RTKN2: variants seen among roughly 807,000 people sequenced by gnomAD.
RTKN2 encodes the protein rhotekin 2.
Under a neutral mutation model 71.5 loss-of-function variants are expected in RTKN2, and 69 were observed. That is an observed-to-expected ratio of 0.96 (90% confidence interval 0.79 to 1.18). The LOEUF is 1.18. Ranked by LOEUF, RTKN2 falls within the 50% of genes most tolerant of loss-of-function variation. RTKN2 has a pLI of 0.00. For synonymous variants in RTKN2, 236 were observed against 236.5 expected, an observed-to-expected ratio of 1.00 and a Z score of 0.02; for missense variants, 724 against 719.7, an observed-to-expected ratio of 1.01 and a Z score of -0.07.
At chr10:62,208,301 G>C (rs140214681) in intron 9 of RTKN2, among the ~76,000 whole-genome samples, 14 of 152,164 alleles carry the variant, frequency 9.2e-5, no homozygotes, top group African/African-American at 3.1e-4. Flanking sequence ...AATGCACCCA[G>C]ATTATGGTCT....
chr10:62,229,156 CA>C (rs1842095902), intron 6 of RTKN2, among the ~76,000 whole-genome samples: 1 of 152,046 alleles, frequency 6.6e-6, no homozygotes, highest in Non-Finnish European at 1.5e-5. Context: ...TTTTCCAAGG[CA>C]AGTATGACAA....
intron 2 of RTKN2, among the ~76,000 whole-genome samples, chr10:62,250,362 G>A (rs572854523): frequency 5.9e-5 from 9 of 152,288 alleles, no homozygotes; most frequent in African/African-American, 1.4e-4. Context: ...GAAAGTAGAC[G>A]AAGTTTAATA....
chr10:62,262,871 C>A, intron 1 of RTKN2, 50 bp from the exon 2 acceptor site: 1 of 1,267,892 alleles, frequency 7.9e-7, no homozygotes, highest in Non-Finnish European at 1.1e-6. Flanking sequence ...AAAATTACAT[C>A]TTAACCCATA....
chr10:62,199,930 T>G (rs375243152), intron 10 of RTKN2, 69 bp from the exon 11 acceptor site: 1 of 952,446 alleles, frequency 1.0e-6, no homozygotes, highest in South Asian at 1.5e-5. Flanking sequence ...TCATTTTTAA[T>G]AGATAGCAAT....
intron 8 of RTKN2, 35 bp downstream of exon 8, chr10:62,218,160 C>A: frequency 7.7e-7 from 1 of 1,305,082 alleles, no homozygotes; most frequent in Non-Finnish European, 1.1e-6. Flanking sequence ...TAAAGTAGAG[C>A]TACAATTGTT....
At chr10:62,208,466 G>A (rs934389601) in intron 9 of RTKN2, among the ~76,000 whole-genome samples, 4 of 152,110 alleles carry the variant, frequency 2.6e-5, no homozygotes, top group Non-Finnish European at 5.9e-5. Context: ...GAGTCAACTC[G>A]AAGGGGCTTC....
chr10:62,258,508 T>C (rs1342206011), intron 2 of RTKN2, among the ~76,000 whole-genome samples: 1 of 152,230 alleles, frequency 6.6e-6, no homozygotes, highest in African/African-American at 2.4e-5. Flanking sequence ...TATGTCTGCC[T>C]ATTCTTAAAT....
At position 62,239,726 on chromosome 10, in the gene RTKN2, C is replaced by A. The variant is rs776909987; in HGVS notation, c.410G>T (p.Gly137Val). The A allele has an allele frequency of 6.3e-7, 1 of 1,594,252 alleles. No individual in the cohort carries two copies. Among genetic ancestry groups the A allele is most frequent in the Non-Finnish European group, 8.6e-7 (1 of 1,169,008 alleles). The part of the protein sequence containing the change: ...RYAIFCLFKM[G>V]ANVFDTDVVN... ...CACATCAGTATCAAACACATTAGCT[C>A]CCATTTTGAATAAACAAAAAATGGC... The change falls in exon 5 of 12, where the codon GGA becomes GTA. Residue 137 changes from glycine to valine, a missense_variant. Transcript: ENST00000373789.
chr10:62,215,873 A>G (rs1841759599), intron 9 of RTKN2, among the ~76,000 whole-genome samples: 1 of 152,048 alleles, frequency 6.6e-6, no homozygotes. Context: ...GTAATGAAAA[A>G]AGCATGTCAA....
At chr10:62,258,284 C>T (rs1842710326) in intron 2 of RTKN2, among the ~76,000 whole-genome samples, 2 of 152,150 alleles carry the variant, frequency 1.3e-5, no homozygotes, top group Admixed American at 6.5e-5. Flanking sequence ...TTTCCTGGAA[C>T]CCGAGTTTTA....
chr10:62,208,537 G>A (rs1480538503), intron 9 of RTKN2, among the ~76,000 whole-genome samples: 1 of 152,126 alleles, frequency 6.6e-6, no homozygotes, highest in East Asian at 1.9e-4. Context: ...GCAATGGACA[G>A]ACACATGACA....
At position 62,239,689 on chromosome 10, in the gene RTKN2, A is replaced by G; in HGVS notation, c.447T>C (p.Asp149=). The change falls in exon 5 of 12, where the codon GAT becomes GAC. Residue 149 remains aspartate, a synonymous_variant. Coordinates refer to ENST00000373789, the MANE Select transcript of RTKN2 (RefSeq NM_145307.4). ...NVFDTDVVNV[D]KTITDICFEN... Reference sequence around the variant, plus strand: ...CAAAACATATATCTGTGATTGTTTTATCCACATTCACCACATCAGTATCAA... The same window carrying G: ...CAAAACATATATCTGTGATTGTTTTGTCCACATTCACCACATCAGTATCAA... The G allele has an allele frequency of 6.4e-7, 1 of 1,569,208 alleles. No individual in the cohort carries two copies. The highest frequency in any genetic ancestry group is 1.7e-5 in the Admixed American group (1 of 57,688).
rs565851360 is a variant in RTKN2, at chr10:62,253,841, A to T, written c.258-7784T>A. Among the ~76,000 whole-genome samples, 3 of 152,240 alleles carry T rather than the reference A, an allele frequency of 2.0e-5. No individual in the cohort carries two copies. The South Asian group carries it at 6.2e-4, about 32-fold the overall frequency. On this transcript the variant is annotated intron_variant, in intron 2 of 11. Transcript: ENST00000373789. ...GAAAAAGTGATACAGTGGAAAAAAA[A>T]TAATTGATACATGATGAATCTCAAA... is the stretch of plus-strand genomic sequence containing the variant.
At chr10:62,192,061 TAAAC>T (rs1841231802), downstream of RTKN2, among the ~76,000 whole-genome samples, 1 of 151,242 alleles carries the variant, frequency 6.6e-6, no homozygotes, top group Admixed American at 6.6e-5. Flanking sequence ...TTTTTTATCT[TAAAC>T]ATTAAAATAA....
intron 5 of RTKN2, chr10:62,238,834 C>A (rs879368207): frequency 1.3e-5 from 2 of 151,802 alleles, no homozygotes; most frequent in African/African-American, 2.4e-5. Flanking sequence ...TGTCTAGCTC[C>A]ATAGCTGAAA....
chr10:62,264,064 T>C (rs550178088), intron 1 of RTKN2, among the ~76,000 whole-genome samples: 40 of 152,114 alleles, frequency 2.6e-4, no homozygotes, highest in Non-Finnish European at 5.1e-4. Context: ...CATCCTAGTT[T>C]CTATGGCAAA....
At chr10:62,186,643 T>A (rs1362693018) in intron 8 of RTKN2, among the ~76,000 whole-genome samples, 2 of 152,192 alleles carry the variant, frequency 1.3e-5, no homozygotes, top group Non-Finnish European at 2.9e-5. Context: ...CTCTGTCTTA[T>A]GTATTAAAAG....
chr10:62,223,852 A>G (rs535600049), intron 6 of RTKN2, among the ~76,000 whole-genome samples: 7 of 152,322 alleles, frequency 4.6e-5, no homozygotes, highest in East Asian at 1.9e-4. Context: ...AGAGACTCAG[A>G]TATTTGTACA....
At chr10:62,264,885 G>T (rs1259870023) in intron 1 of RTKN2, among the ~76,000 whole-genome samples, 2 of 151,462 alleles carry the variant, frequency 1.3e-5, no homozygotes, top group Admixed American at 6.6e-5. Context: ...GTCAGCTAGG[G>T]TAGAGAAGCA....
Sources: gnomAD v4.1 joint callset for allele counts (sites outside exome capture counted in the v4.1 genomes callset) on GRCh38, gnomAD v4.1.1 for gene constraint, MANE v1.5 for transcripts, NCBI Gene and HGNC (gene_info 2026-07-23, HGNC 2026-07-21) for gene names.